SSBP2: variants seen among roughly 807,000 people sequenced by gnomAD.
SSBP2 encodes the protein single stranded DNA binding protein 2, also known as single-stranded DNA-binding protein 2.
Under a neutral mutation model 61.8 loss-of-function variants are expected in SSBP2, and 17 were observed. That is an observed-to-expected ratio of 0.28 (90% CI 0.19 to 0.41). The LOEUF (loss-of-function observed/expected upper bound fraction) is 0.41. SSBP2 is among the 10% of genes least tolerant of loss of function. SSBP2 has a pLI of 1.00. For missense variants in SSBP2, 310 were observed against 458.7 expected, an observed-to-expected ratio of 0.68 and a Z score of 2.96; for synonymous variants, 139 against 141.3, an observed-to-expected ratio of 0.98 and a Z score of 0.12.
chr5:81,666,321 A>T (rs1322882134), intron 1 of SSBP2, among the ~76,000 whole-genome samples: 1 of 152,232 alleles, frequency 6.6e-6, no homozygotes, highest in Non-Finnish European at 1.5e-5. Context: ...GTTCTAGAAC[A>T]GGAATAATTG....
At chr5:81,589,212 ATAAAT>A (rs754361894) in intron 4 of SSBP2, among the ~76,000 whole-genome samples, 4 of 152,254 alleles carry the variant, frequency 2.6e-5, no homozygotes, top group Non-Finnish European at 5.9e-5. Context: ...TGGGCAACTA[ATAAAT>A]TAAAAGAGCT....
chr5:81,618,015 C>G (rs1215152845), intron 3 of SSBP2, among the ~76,000 whole-genome samples: 3 of 128,914 alleles, frequency 2.3e-5, no homozygotes, highest in Non-Finnish European at 3.4e-5. Context: ...AATGTAAAGA[C>G]CATCGAGACT....
intron 4 of SSBP2, among the ~76,000 whole-genome samples, chr5:81,562,281 GC>G (rs908629637): frequency 6.6e-6 from 1 of 152,068 alleles, no homozygotes; most frequent in Admixed American, 6.6e-5. Flanking sequence ...AAAGATATTT[GC>G]CACTGTTACT....
intron 4 of SSBP2, among the ~76,000 whole-genome samples, chr5:81,529,630 T>G (rs1472817330): frequency 6.6e-6 from 1 of 152,100 alleles, no homozygotes; most frequent in African/African-American, 2.4e-5. Context: ...GAGACAGTCT[T>G]GGTTAAGCCA....
At chr5:81,530,224 T>TG (rs956677239) in intron 4 of SSBP2, among the ~76,000 whole-genome samples, 16 of 152,054 alleles carry the variant, frequency 1.1e-4, no homozygotes, top group African/African-American at 3.9e-4. Context: ...ATAGAGTTGC[T>TG]GGGGGATTAA....
chr5:81,532,844 A>C (rs1433515533), intron 4 of SSBP2, among the ~76,000 whole-genome samples: 1 of 151,974 alleles, frequency 6.6e-6, no homozygotes, highest in Non-Finnish European at 1.5e-5. Flanking sequence ...ATGACAAAAC[A>C]ATATTAAATG....
Position 81,414,533 on chromosome 5 carries a change from T to A in SSBP2, c.*5971A>T, listed in dbSNP as rs2153868271. 1 of 152,338 alleles carries A rather than the reference T, an allele frequency of 6.6e-6. No homozygotes were observed. Among genetic ancestry groups the A allele is most frequent in the East Asian group, 1.9e-4 (1 of 5,190 alleles). 9.4% of individuals were successfully genotyped at this position (152,338 alleles called of 1,614,324 possible). A position where few individuals can be genotyped will look rare whatever the true frequency, so the allele number is the denominator to read the frequency against. The stretch of plus-strand genomic sequence containing the variant: ...CAGTTCATGGGTAAAGCTAACTTTT[T>A]TTGTGTGAAATAAGTTAATAATGCC... On this transcript the variant is annotated 3_prime_UTR_variant, in exon 17 of 17. Transcript: ENST00000320672.
At chr5:81,540,150 C>A (rs1771146825) in intron 4 of SSBP2, among the ~76,000 whole-genome samples, 1 of 152,088 alleles carries the variant, frequency 6.6e-6, no homozygotes, top group African/African-American at 2.4e-5. Flanking sequence ...CATTGATGGG[C>A]ATTTGGGTTG....
intron 1 of SSBP2, among the ~76,000 whole-genome samples, chr5:81,684,679 A>G (rs902858510): frequency 2.0e-5 from 3 of 152,100 alleles, no homozygotes; most frequent in African/African-American, 7.2e-5. Context: ...GAACAGGAGC[A>G]TTTACCCGAT....
intron 4 of SSBP2, among the ~76,000 whole-genome samples, chr5:81,571,197 T>G (rs1055064906): frequency 6.6e-6 from 1 of 152,232 alleles, no homozygotes; most frequent in Non-Finnish European, 1.5e-5. Flanking sequence ...TTACTTAGAT[T>G]CTGCCATAAA....
chr5:81,493,047 T>C (rs543763273), intron 5 of SSBP2, among the ~76,000 whole-genome samples: 4 of 151,824 alleles, frequency 2.6e-5, no homozygotes, highest in South Asian at 4.2e-4. Context: ...CCATGCTTCA[T>C]AGAGAAAAAG....
At chr5:81,741,479 G>A (rs1417872736) in intron 1 of SSBP2, among the ~76,000 whole-genome samples, 1 of 152,014 alleles carries the variant, frequency 6.6e-6, no homozygotes, top group Non-Finnish European at 1.5e-5. Flanking sequence ...GGTTAAAATG[G>A]TAAATTTTAG....
intron 5 of SSBP2, among the ~76,000 whole-genome samples, chr5:81,507,623 T>C (rs1187754603): frequency 6.6e-6 from 1 of 152,118 alleles, no homozygotes; most frequent in Non-Finnish European, 1.5e-5. Flanking sequence ...ATGAATGTAT[T>C]TGGTTATTAG....
intron 1 of SSBP2, among the ~76,000 whole-genome samples, chr5:81,687,937 T>C (rs1040147692): frequency 4.6e-5 from 7 of 152,104 alleles, no homozygotes; most frequent in African/African-American, 1.7e-4. Context: ...CCAGCTGTAG[T>C]TGCTACAAGG....
chr5:81,512,681 T>C (rs575380552), intron 5 of SSBP2, among the ~76,000 whole-genome samples: 2 of 152,262 alleles, frequency 1.3e-5, no homozygotes, highest in East Asian at 3.9e-4. Context: ...GAAAATTATT[T>C]ATAATTTTAT....
intron 3 of SSBP2, among the ~76,000 whole-genome samples, chr5:81,626,791 T>C (rs9293277): frequency 0.052 from 7,871 of 152,228 alleles, 382 homozygotes; most frequent in African/African-American, 0.12. Context: ...TGCCTGGAAT[T>C]AGCCACTCAC....
At chr5:81,673,133 A>G (rs1751713217) in intron 1 of SSBP2, among the ~76,000 whole-genome samples, 1 of 152,008 alleles carries the variant, frequency 6.6e-6, no homozygotes, top group South Asian at 2.1e-4. Flanking sequence ...GAGCCACCAC[A>G]CTCGGTCCAG....
At chr5:81,438,141 G>A (rs553405059) in intron 14 of SSBP2, among the ~76,000 whole-genome samples, 11 of 152,004 alleles carry the variant, frequency 7.2e-5, no homozygotes, top group Non-Finnish European at 1.3e-4. Flanking sequence ...TTTGAGGTCC[G>A]GAGTTCGAGA....
chr5:81,606,126 G>A (rs1263315305), intron 4 of SSBP2, among the ~76,000 whole-genome samples: 1 of 152,060 alleles, frequency 6.6e-6, no homozygotes, highest in African/African-American at 2.4e-5. Context: ...AGTAACTGAA[G>A]GAAACTAGTA....
Sources: gnomAD v4.1 joint callset for allele counts (sites outside exome capture counted in the v4.1 genomes callset) on GRCh38, gnomAD v4.1.1 for gene constraint, MANE v1.5 for transcripts, NCBI Gene and HGNC (gene_info 2026-07-23, HGNC 2026-07-21) for gene names.